The following HHEX variants were observed in gnomAD, a reference collection of about 807,000 sequenced individuals.
HHEX encodes hematopoietically expressed homeobox, also known as hematopoietically-expressed homeobox protein HHEX.
HHEX carries 8 observed loss-of-function variants against 27.0 expected under a neutral mutation model. That is an observed-to-expected ratio of 0.30 (90% CI 0.17 to 0.54). The LOEUF (loss-of-function observed/expected upper bound fraction) is 0.54. Among genes scored for constraint, HHEX ranks in the 20% least tolerant of loss-of-function variants. HHEX has a pLI of 0.95. For missense variants in HHEX, 326 were observed against 357.2 expected (o/e 0.91, Z 0.70); for synonymous variants, 164 against 161.5 (o/e 1.02, Z -0.12).
At chr10:92,690,389 C>A in intron 1 of HHEX, 42 bp downstream of exon 1, 2 of 1,394,234 alleles carry the variant, frequency 1.4e-6, no homozygotes, top group Non-Finnish European at 1.9e-6. Flanking sequence ...AAGCGCCACC[C>A]GGCAGGTGGC....
At position 92,694,529 on chromosome 10, in the gene HHEX, T is replaced by A. The variant is rs1201656246; in HGVS notation, c.592-18T>A. 6.3e-7 allele frequency: 1 copy of A among 1,585,564 alleles called. No homozygotes were observed. The highest frequency in any genetic ancestry group is 8.7e-7 in the Non-Finnish European group (1 of 1,154,644). On this transcript the variant is annotated intron_variant, in intron 3 of 3. Coordinates refer to ENST00000282728, the MANE Select transcript of HHEX (RefSeq NM_002729.5). ...TTTTATGATCCTTCCAATCTCCATT[T>A]TCATTTCCTTTATTCAGGAGAACCC...
Position 92,694,913 on chromosome 10 carries a change from T to C in HHEX, c.*145T>C. Reference sequence around the variant, plus strand: ...GGAAACCTAAAAATATTTGGTGCACTGCTCAATTAACAAACCTACATGGAG... The same window carrying C: ...GGAAACCTAAAAATATTTGGTGCACCGCTCAATTAACAAACCTACATGGAG... On this transcript the variant is annotated 3_prime_UTR_variant, in exon 4 of 4. Coordinates refer to ENST00000282728, the MANE Select transcript of HHEX (RefSeq NM_002729.5). 1 of 643,794 alleles carries C rather than the reference T, an allele frequency of 1.6e-6. No individual in the cohort carries two copies. The highest frequency in any genetic ancestry group is 1.9e-5 in the South Asian group (1 of 51,786). 39.9% of individuals were successfully genotyped at this position (643,794 alleles called of 1,614,324 possible).
chr10:92,691,746 C>G (rs1023038979), intron 1 of HHEX: 1 of 152,310 alleles, frequency 6.6e-6, no homozygotes, highest in Admixed American at 6.5e-5. Flanking sequence ...GCTAGACCAA[C>G]AGGAAACACA....
In HHEX at chr10:92,695,594, TA is replaced by T. The variant is rs1365602715; in HGVS notation, c.*828del. 1 of 152,370 alleles carries T rather than the reference TA, an allele frequency of 6.6e-6. No individual in the cohort carries two copies. Among genetic ancestry groups the T allele is most frequent in the East Asian group, 1.9e-4 (1 of 5,194 alleles). 9.4% of individuals were successfully genotyped at this position (152,370 alleles called of 1,614,324 possible). A position where few individuals can be genotyped will look rare whatever the true frequency, so the allele number is the denominator to read the frequency against. On this transcript the variant is annotated 3_prime_UTR_variant, in exon 4 of 4. Coordinates refer to ENST00000282728, the MANE Select transcript of HHEX (RefSeq NM_002729.5). ...AAATGGCCAAAATGTGTTTTTTTTT[TA>T]ATAAGTAACTTGACTATAAAATAAA...
At position 92,692,712 on chromosome 10, in the gene HHEX, G is replaced by A; in HGVS notation, c.551G>A (p.Trp184Ter). 1 of 1,613,900 alleles carries A rather than the reference G, an allele frequency of 6.2e-7. No homozygotes were observed. The highest frequency in any genetic ancestry group is 8.5e-7 in the Non-Finnish European group (1 of 1,179,922). The change falls in exon 3 of 4, where the codon TGG (tryptophan) becomes TAG (stop). Residue 184 changes from tryptophan (W) to a stop codon, truncating the protein, a stop_gained. Coordinates refer to ENST00000282728, the MANE Select transcript of HHEX (RefSeq NM_002729.5). LOFTEE classifies it high-confidence loss of function. Reference sequence around the variant, plus strand: ...CTCTCTTTCCTGTAGGTCAAAACCTGGTTTCAGAATCGACGCGCTAAATGG... The same window carrying A: ...CTCTCTTTCCTGTAGGTCAAAACCTAGTTTCAGAATCGACGCGCTAAATGG... ...LQLSERQVKTWFQNRRAKWRR... is the reference protein window; with the variant it reads ...LQLSERQVKT
In HHEX at chr10:92,692,357, C is replaced by T; in HGVS notation, c.362-11C>T. 6.2e-7 allele frequency: 1 copy of T among 1,612,314 alleles called. No homozygotes were observed. The highest frequency in any genetic ancestry group is 8.5e-7 in the Non-Finnish European group (1 of 1,179,792). ...AGGGCAGTGGGTGAGCGCCGCTCTT[C>T]CCGCTCGCAGGCAAACCTCTACTCT... On this transcript the variant is annotated splice_polypyrimidine_tract_variant and intron_variant, in intron 1 of 3. Transcript: ENST00000282728.
intron 1 of HHEX, 190 bp from the exon 2 acceptor site, chr10:92,692,178 C>T: frequency 1.7e-6 from 1 of 579,414 alleles, no homozygotes; most frequent in Non-Finnish European, 3.1e-6. Flanking sequence ...TCTGCGGTGT[C>T]AGTGTGTGAC....
In HHEX at chr10:92,690,270, G is replaced by T; in HGVS notation, c.284G>T (p.Gly95Val). 6.4e-7 allele frequency: 1 copy of T among 1,555,054 alleles called. No homozygotes were observed. The change falls in exon 1 of 4, where the codon GGC (glycine) becomes GTC (valine). Residue 95 changes from glycine (G) to valine (V), a missense_variant. Gly to Val is a moderately radical substitution (Grantham distance 109). Around this residue, in one of 4 missense-constraint regions of HHEX, gnomAD observed 215 missense variants for 196.4 expected, o/e 1.09. Transcript: ENST00000282728. ...CTGGCCGCTGCCTACGGACCCGGCG[G>T]CTTCGGGGGCCCTCTGTACCCCTTC... The part of the protein sequence containing the change: ...AALAAAYGPG[G>V]FGGPLYPFPR...
chr10:92,692,625 G>T (rs1258765441), intron 2 of HHEX, 77 bp from the exon 3 acceptor site: 2 of 1,604,912 alleles, frequency 1.2e-6, no homozygotes, highest in African/African-American at 2.7e-5. Context: ...CACCGAGAGA[G>T]AGGCGAGGAG....
intron 3 of HHEX, 128 bp downstream of exon 3, chr10:92,692,880 A>T: frequency 1.3e-6 from 1 of 767,938 alleles, no homozygotes; most frequent in Admixed American, 2.5e-5. Context: ...GATTAAAAAG[A>T]CAAATAGTCC....
rs1589622995 is a variant in HHEX at position 92,692,830 on chromosome 10, T to C, written c.591+78T>C. 1.1e-5 allele frequency: 13 copies of C among 1,198,314 alleles called. No homozygotes were observed. In the East Asian group the frequency reaches 3.0e-4, roughly 28 times the overall value. The allele number at this position is 1,198,314 out of a possible 1,614,324, so 74.2% of individuals were successfully genotyped here. A position where few individuals can be genotyped will look rare whatever the true frequency, so the allele number is the denominator to read the frequency against. On this transcript the variant is annotated intron_variant, in intron 3 of 3. Coordinates refer to ENST00000282728, the MANE Select transcript of HHEX (RefSeq NM_002729.5). ...CAGTGCAAGGCTGTTATGGGTTGTA[T>C]GCAAAAGTCATTTAAGAGACTATTT...
At chr10:92,693,846 ACT>A (rs2135942046) in intron 3 of HHEX, among the ~76,000 whole-genome samples, 1 of 152,178 alleles carries the variant, frequency 6.6e-6, no homozygotes, top group East Asian at 1.9e-4. Flanking sequence ...CAAAGGCTTG[ACT>A]CTAGTTTACC....
At chr10:92,693,717 A>G (rs1845378163) in intron 3 of HHEX, among the ~76,000 whole-genome samples, 1 of 106,778 alleles carries the variant, frequency 9.4e-6, no homozygotes, top group East Asian at 4.6e-4. Flanking sequence ...TGTTGAGACT[A>G]TAAGGCTTGC....
chr10:92,692,272 C>T (rs1845362779), intron 1 of HHEX, 96 bp from the exon 2 acceptor site: 1 of 1,348,508 alleles, frequency 7.4e-7, no homozygotes, highest in African/African-American at 1.5e-5. Context: ...TGGGTGGCCT[C>T]CTGGCCTACC....
rs1365794476 is a variant in HHEX, at chr10:92,694,630, G to C, written c.675G>C (p.Gln225His). Residue 225 changes from glutamine to histidine, a missense_variant, in exon 4 of 4, where the codon CAG becomes CAC. This residue lies in a region of HHEX where 68 missense variants were observed against 84.9 expected (regional missense o/e 0.80). Transcript: ENST00000282728. ...CDQRQDLPSE[Q>H]NKGASLDSSQ... ...AGAGGCAAGATTTGCCCAGTGAACAGAATAAAGGTGCTTCTTTGGATAGCT... is the reference window on the plus strand; with the variant it reads ...AGAGGCAAGATTTGCCCAGTGAACACAATAAAGGTGCTTCTTTGGATAGCT... 6.2e-7 allele frequency: 1 copy of C among 1,614,156 alleles called. No individual in the cohort carries two copies. The highest frequency in any genetic ancestry group is 1.7e-5 in the Admixed American group (1 of 60,024).
intron 1 of HHEX, chr10:92,692,147 G>T: frequency 2.0e-6 from 1 of 507,632 alleles, no homozygotes; most frequent in Non-Finnish European, 3.5e-6. Context: ...GTCTGTCTGT[G>T]TGTGTACAAG....
rs780435092 is a variant in HHEX, at chr10:92,694,691, C to A, written c.736C>A (p.Leu246Ile). 1 of 1,614,120 alleles carries A rather than the reference C, an allele frequency of 6.2e-7. No individual in the cohort carries two copies. Among genetic ancestry groups the A allele is most frequent in the South Asian group, 1.1e-5 (1 of 91,074 alleles). ...CSPSPASQEDLESEISEDSDQ... is the reference protein window; with the variant it reads ...CSPSPASQEDIESEISEDSDQ... ...GCCCTCCCCTGCCTCCCAGGAAGAC[C>A]TTGAATCAGAGATTTCAGAGGATTC... The change falls in exon 4 of 4, where the codon CTT (leucine) becomes ATT (isoleucine). Residue 246 changes from leucine (L) to isoleucine (I), a missense_variant. By Grantham distance (5) the Leu-to-Ile change is conservative (BLOSUM62 2). Around this residue, in one of 4 missense-constraint regions of HHEX, gnomAD observed 68 missense variants for 84.9 expected, o/e 0.80. Transcript: ENST00000282728.
intron 1 of HHEX, chr10:92,691,772 C>T (rs944708115): frequency 6.6e-6 from 1 of 152,348 alleles, no homozygotes; most frequent in Non-Finnish European, 1.5e-5. Context: ...GGAAATGTTG[C>T]CATAGCCCAT....
At position 92,692,561 on chromosome 10, in the gene HHEX, G is replaced by A. The variant is rs1277966920; in HGVS notation, c.540+15G>A. 1.2e-6 allele frequency: 2 copies of A among 1,612,612 alleles called. No homozygotes were observed. Among genetic ancestry groups the A allele is most frequent in the Admixed American group, 1.7e-5 (1 of 59,932 alleles). ...GCGAGAGACAGGTGAGCTCGCGGGG[G>A]GCCTGGGGCCGCCTCCGGGGAAGGG... is the stretch of plus-strand genomic sequence containing the variant. On this transcript the variant is annotated intron_variant, in intron 2 of 3. Transcript: ENST00000282728.
Sources: gnomAD v4.1 joint callset for allele counts (sites outside exome capture counted in the v4.1 genomes callset) on GRCh38, gnomAD v4.1.1 for gene constraint, gnomAD v4.1.1 regional missense constraint, MANE v1.5 for transcripts, NCBI Gene and HGNC (gene_info 2026-07-23, HGNC 2026-07-21) for gene names.